The following TMEM169 variants were observed in gnomAD, a reference collection of about 807,000 sequenced individuals.
TMEM169 encodes the protein transmembrane protein 169.
Under a neutral mutation model 27.3 loss-of-function variants are expected in TMEM169, and 18 were observed. The ratio of observed to expected loss-of-function variants is 0.66; its 90% CI spans 0.46 to 0.98. The LOEUF is 0.98. TMEM169 is among the 50% of genes least tolerant of loss of function. TMEM169 has a pLI of 0.00. For synonymous variants in TMEM169, 136 were observed against 142.1 expected, an observed-to-expected ratio of 0.96 and a Z score of 0.30; for missense variants, 320 against 368.6, an observed-to-expected ratio of 0.87 and a Z score of 1.08.
At chr2:216,082,038 A>C in intron 1 of TMEM169, 59 bp downstream of exon 1, 1 of 341,646 alleles carries the variant, frequency 2.9e-6, no homozygotes, top group East Asian at 7.0e-5. Context: ...TGGAAGGGAA[A>C]TGCAAAAAAA....
intron 1 of TMEM169, among the ~76,000 whole-genome samples, chr2:216,092,891 A>G (rs1696167509): frequency 6.6e-6 from 1 of 152,128 alleles, no homozygotes; most frequent in South Asian, 2.1e-4. Flanking sequence ...AGTAAGTACA[A>G]AGTGGTTTGT....
At chr2:216,091,578 A>AAAAAAG (rs746507441) in intron 1 of TMEM169, among the ~76,000 whole-genome samples, 11 of 113,360 alleles carry the variant, frequency 9.7e-5, no homozygotes, top group Non-Finnish European at 1.2e-4. Flanking sequence ...AAAAAAAAAA[A>AAAAAAG]AGAGAGAGAC....
At chr2:216,088,765 A>G (rs758413845) in intron 1 of TMEM169, among the ~76,000 whole-genome samples, 7 of 152,250 alleles carry the variant, frequency 4.6e-5, no homozygotes, top group Non-Finnish European at 1.0e-4. Flanking sequence ...CAAATTACAC[A>G]ATCGGTAAAT....
intron 1 of TMEM169, among the ~76,000 whole-genome samples, chr2:216,092,394 C>T (rs954918139): frequency 1.3e-5 from 2 of 151,890 alleles, no homozygotes; most frequent in African/African-American, 2.4e-5. Context: ...GTGATTCGCC[C>T]GCCTTGATCT....
chr2:216,096,267 T>C, intron 2 of TMEM169, 33 bp downstream of exon 2: 5 of 1,591,560 alleles, frequency 3.1e-6, no homozygotes, highest in Non-Finnish European at 4.3e-6. Context: ...TTTAAAGCCA[T>C]GGGAAGGAAA....
chr2:216,096,384 A>G (rs974145481), intron 2 of TMEM169, 150 bp downstream of exon 2: 21 of 1,029,310 alleles, frequency 2.0e-5, no homozygotes, highest in Admixed American at 5.9e-5. Flanking sequence ...ATTTATTTTG[A>G]GACAGAGTCT....
At position 216,099,930 on chromosome 2, in the gene TMEM169, C is replaced by A; in HGVS notation, c.282C>A (p.Asn94Lys). 6.2e-7 allele frequency: 1 copy of A among 1,611,848 alleles called. No individual in the cohort carries two copies. Among genetic ancestry groups the A allele is most frequent in the Non-Finnish European group, 8.5e-7 (1 of 1,179,016 alleles). Residue 94 changes from asparagine (N) to lysine (K), a missense_variant, in exon 3 of 3, where the codon AAC becomes AAA. By Grantham distance (94) the Asn-to-Lys change is moderately conservative. Coordinates refer to ENST00000437356, the MANE Select transcript of TMEM169 (RefSeq NM_001142311.2). The surrounding 1 kb of genome is among the most constrained non-coding windows in gnomAD (Gnocchi z 5.0). ...LDYPVDDDMW[N>K]LPLDSRYVTL... is the part of the protein sequence containing the mutation. Reference sequence around the variant, plus strand: ...CTTTGTACCCTGCAGATATGTGGAACCTGCCTCTGGACAGCCGCTACGTCA... The same window carrying A: ...CTTTGTACCCTGCAGATATGTGGAAACTGCCTCTGGACAGCCGCTACGTCA...
intron 2 of TMEM169, 53 bp downstream of exon 2, chr2:216,096,287 C>T (rs1696263578): frequency 1.3e-6 from 2 of 1,573,844 alleles, no homozygotes; most frequent in Non-Finnish European, 1.7e-6. Context: ...ACCAAAAGGG[C>T]ATCTTCCAGA....
At chr2:216,096,544 T>C (rs1370981247) in intron 2 of TMEM169, among the ~76,000 whole-genome samples, 1 of 152,066 alleles carries the variant, frequency 6.6e-6, no homozygotes, top group Non-Finnish European at 1.5e-5. Context: ...TTTGTATTTT[T>C]AGTAGAGACT....
At chr2:216,095,711 C>T (rs1696247093) in intron 1 of TMEM169, 127 bp from the exon 2 acceptor site, 1 of 424,762 alleles carries the variant, frequency 2.4e-6, no homozygotes, top group Non-Finnish European at 4.2e-6. Flanking sequence ...ATTGCATTCC[C>T]AAAATAAAGT....
At chr2:216,088,827 C>G (rs1574431000) in intron 1 of TMEM169, among the ~76,000 whole-genome samples, 1 of 152,062 alleles carries the variant, frequency 6.6e-6, no homozygotes, top group East Asian at 1.9e-4. Context: ...TTTCCTTTCC[C>G]CCTTCTCCTT....
intron 1 of TMEM169, among the ~76,000 whole-genome samples, chr2:216,095,629 T>C (rs1696245267): frequency 6.6e-6 from 1 of 152,234 alleles, no homozygotes; most frequent in Non-Finnish European, 1.5e-5. Flanking sequence ...TGCCAAATAT[T>C]ATATGTTTGT....
intron 1 of TMEM169, among the ~76,000 whole-genome samples, chr2:216,089,626 G>A (rs1696082509): frequency 6.6e-6 from 1 of 152,028 alleles, no homozygotes; most frequent in Non-Finnish European, 1.5e-5. Flanking sequence ...CAAGCTACTT[G>A]TATTTTTAGT....
Position 216,096,362 on chromosome 2 carries a change from C to T in TMEM169, c.271+128C>T, listed in dbSNP as rs558048355. The T allele has an allele frequency of 6.2e-6, 7 of 1,125,764 alleles. No homozygotes were observed. The African/African-American group carries it at 7.8e-5, about 13-fold the overall frequency. 69.7% of individuals were successfully genotyped at this position (1,125,764 alleles called of 1,614,324 possible). On this transcript the variant is annotated intron_variant, in intron 2 of 2. Coordinates refer to ENST00000437356, the MANE Select transcript of TMEM169 (RefSeq NM_001142311.2). The stretch of plus-strand genomic sequence containing the variant: ...GATACATTTCTTCTTGCAATATTAC[C>T]ACCTTTTATTTATTTATTTTGAGAC...
intron 1 of TMEM169, among the ~76,000 whole-genome samples, chr2:216,085,608 C>T (rs1306622944): frequency 6.6e-6 from 1 of 151,828 alleles, no homozygotes; most frequent in Non-Finnish European, 1.5e-5. Context: ...CAGTGGCTCA[C>T]GCCTGTAATC....
intron 1 of TMEM169, among the ~76,000 whole-genome samples, chr2:216,087,476 G>A (rs926912316): frequency 3.3e-5 from 5 of 152,176 alleles, no homozygotes; most frequent in African/African-American, 9.7e-5. Flanking sequence ...GCAGGACTTA[G>A]AGACTAATTA....
chr2:216,092,818 G>T (rs1413272659), intron 1 of TMEM169, among the ~76,000 whole-genome samples: 1 of 152,154 alleles, frequency 6.6e-6, no homozygotes, highest in Non-Finnish European at 1.5e-5. Flanking sequence ...AGAAACAGAT[G>T]ATCTAAGTAG....
chr2:216,083,599 G>A (rs964957956), intron 1 of TMEM169, among the ~76,000 whole-genome samples: 6 of 152,064 alleles, frequency 3.9e-5, no homozygotes, highest in Non-Finnish European at 7.4e-5. Flanking sequence ...GCTGCTGAGC[G>A]GACTGAGAGT....
At chr2:216,085,198 G>A (rs1412820526) in intron 1 of TMEM169, among the ~76,000 whole-genome samples, 1 of 152,130 alleles carries the variant, frequency 6.6e-6, no homozygotes, top group African/African-American at 2.4e-5. Context: ...CTGGCTGGGT[G>A]GCTCATGCCT....
Sources: allele counts gnomAD v4.1 joint callset (sites outside exome capture counted in the v4.1 genomes callset), GRCh38; gene constraint gnomAD v4.1.1; non-coding constraint Gnocchi (gnomAD v3.1); transcripts MANE v1.5; gene names NCBI Gene and HGNC (gene_info 2026-07-23, HGNC 2026-07-21).